ATRNL1: variants seen among roughly 807,000 people sequenced by gnomAD.
The protein encoded by ATRNL1 is attractin-like protein 1.
Under a neutral mutation model 182.7 loss-of-function variants are expected in ATRNL1, and 95 were observed. The ratio of observed to expected loss-of-function variants is 0.52; its 90% CI spans 0.44 to 0.62. The LOEUF (loss-of-function observed/expected upper bound fraction) is 0.62, where lower values mean the gene tolerates loss of function less well. Among genes scored for constraint, ATRNL1 ranks in the 20% least tolerant of loss-of-function variants. The pLI is 0.00. For missense variants in ATRNL1, 1,471 were observed against 1,679.5 expected, an observed-to-expected ratio of 0.88 and a Z score of 2.17; for synonymous variants, 576 against 568.3, an observed-to-expected ratio of 1.01 and a Z score of -0.19.
intron 26 of ATRNL1, among the ~76,000 whole-genome samples, chr10:115,716,142 A>G (rs1411555177): frequency 2.6e-5 from 4 of 152,222 alleles, no homozygotes; most frequent in African/African-American, 9.6e-5. Context: ...CAGATTGCCT[A>G]TTCATTTATC....
chr10:115,315,507 C>T lies in ATRNL1; in HGVS notation c.2819-11C>T, dbSNP rs1854254147. On this transcript the variant is annotated splice_polypyrimidine_tract_variant and intron_variant, in intron 17 of 28. Coordinates refer to ENST00000355044, the MANE Select transcript of ATRNL1 (RefSeq NM_207303.4). Reference sequence around the variant, plus strand: ...CATGTTAACATATTTGTCAATGTTCCTGTCACGCAGCTCAAAATTGTTCTG... The same window carrying T: ...CATGTTAACATATTTGTCAATGTTCTTGTCACGCAGCTCAAAATTGTTCTG... 1.3e-6 allele frequency: 2 copies of T among 1,588,138 alleles called. No homozygotes were observed. The highest frequency in any genetic ancestry group is 1.7e-5 in the Admixed American group (1 of 59,168).
intron 19 of ATRNL1, among the ~76,000 whole-genome samples, chr10:115,388,078 G>T (rs958044190): frequency 2.3e-4 from 35 of 152,150 alleles, no homozygotes; most frequent in African/African-American, 8.0e-4. Context: ...TGGGAAGAAG[G>T]CGTATTCTTT....
At chr10:115,324,916 C>T (rs1410808417) in intron 18 of ATRNL1, among the ~76,000 whole-genome samples, 1 of 152,092 alleles carries the variant, frequency 6.6e-6, no homozygotes, top group Admixed American at 6.6e-5. Context: ...TATTTTGAAT[C>T]TCTGCTTCAT....
intron 3 of ATRNL1, among the ~76,000 whole-genome samples, chr10:115,124,539 G>T (rs1844880704): frequency 6.6e-6 from 1 of 152,124 alleles, no homozygotes; most frequent in Non-Finnish European, 1.5e-5. Context: ...AGCCATGAGT[G>T]ATTGAATCAT....
chr10:115,125,136 C>T (rs968553166), intron 3 of ATRNL1, among the ~76,000 whole-genome samples: 3 of 152,054 alleles, frequency 2.0e-5, no homozygotes, highest in Non-Finnish European at 4.4e-5. Context: ...GTGAAGGATA[C>T]GTAGGAGTCA....
intron 5 of ATRNL1, among the ~76,000 whole-genome samples, chr10:115,130,971 CT>C (rs1485386294): frequency 6.6e-6 from 1 of 152,050 alleles, no homozygotes; most frequent in Non-Finnish European, 1.5e-5. Flanking sequence ...TTCATTAGTC[CT>C]TCTTTGAAAT....
At chr10:115,710,149 A>C (rs976698286) in intron 26 of ATRNL1, among the ~76,000 whole-genome samples, 3 of 152,016 alleles carry the variant, frequency 2.0e-5, no homozygotes, top group Non-Finnish European at 2.9e-5. Flanking sequence ...AAAACAATAA[A>C]ATAACACTGA....
intron 10 of ATRNL1, among the ~76,000 whole-genome samples, chr10:115,243,399 A>G (rs1850502915): frequency 6.6e-6 from 1 of 152,114 alleles, no homozygotes. Flanking sequence ...CTATTTATTT[A>G]ATTTCCTTCT....
chr10:115,940,010 A>G (rs1422023276), intron 28 of ATRNL1, among the ~76,000 whole-genome samples: 1 of 152,224 alleles, frequency 6.6e-6, no homozygotes, highest in Non-Finnish European at 1.5e-5. Flanking sequence ...GTGAAAATAA[A>G]CCAAGACCAA....
At chr10:115,549,642 A>G in intron 26 of ATRNL1, 106 bp downstream of exon 26, 2 of 659,182 alleles carry the variant, frequency 3.0e-6, no homozygotes, top group Non-Finnish European at 4.6e-6. Context: ...ATTTCAAATC[A>G]TTTTTACATA....
intron 27 of ATRNL1, among the ~76,000 whole-genome samples, chr10:115,732,200 A>G (rs1247630937): frequency 6.6e-6 from 1 of 152,188 alleles, no homozygotes; most frequent in Admixed American, 6.5e-5. Flanking sequence ...TTGCTGGATT[A>G]TATCGTAACT....
chr10:115,209,502 C>T (rs1268915), intron 8 of ATRNL1, among the ~76,000 whole-genome samples: 4,623 of 149,440 alleles, frequency 0.031, 88 homozygotes, highest in African/African-American at 0.045. Context: ...TAATGAAGAA[C>T]TCTTGGTATA....
At chr10:115,154,032 C>T (rs1276025541) in intron 5 of ATRNL1, among the ~76,000 whole-genome samples, 2 of 151,250 alleles carry the variant, frequency 1.3e-5, no homozygotes, top group African/African-American at 4.9e-5. Flanking sequence ...GAGTGAGTTT[C>T]TTAATCCTGA....
intron 24 of ATRNL1, among the ~76,000 whole-genome samples, chr10:115,502,726 A>G (rs928643214): frequency 6.6e-6 from 1 of 152,146 alleles, no homozygotes; most frequent in Admixed American, 6.6e-5. Context: ...TGATTGATTT[A>G]TAGATAAACT....
intron 8 of ATRNL1, among the ~76,000 whole-genome samples, chr10:115,185,016 C>G (rs1362156672): frequency 6.6e-6 from 1 of 151,694 alleles, no homozygotes; most frequent in Non-Finnish European, 1.5e-5. Context: ...TTTTTGGGAA[C>G]CAAAGTTCTT....
chr10:115,856,877 G>A (rs1951201838), intron 28 of ATRNL1, among the ~76,000 whole-genome samples: 1 of 151,998 alleles, frequency 6.6e-6, no homozygotes, highest in Non-Finnish European at 1.5e-5. Flanking sequence ...CCTGGGGTTG[G>A]GAGCCCTTGC....
chr10:115,561,034 A>G (rs1395959232), intron 26 of ATRNL1, among the ~76,000 whole-genome samples: 12 of 152,208 alleles, frequency 7.9e-5, no homozygotes, highest in Admixed American at 4.6e-4. Context: ...AATATGTGAC[A>G]CCTAAACTAT....
At chr10:115,698,963 C>G (rs1294401448) in intron 26 of ATRNL1, among the ~76,000 whole-genome samples, 2 of 151,926 alleles carry the variant, frequency 1.3e-5, no homozygotes, top group African/African-American at 4.8e-5. Flanking sequence ...TTTATATACA[C>G]CAGCAACAAA....
chr10:115,303,388 C>A (rs1592410779), intron 17 of ATRNL1, among the ~76,000 whole-genome samples: 1 of 152,058 alleles, frequency 6.6e-6, no homozygotes, highest in African/African-American at 2.4e-5. Flanking sequence ...CCATGCCCAG[C>A]TAATTTTTGT....
Sources: gnomAD v4.1 joint callset for allele counts (sites outside exome capture counted in the v4.1 genomes callset) on GRCh38, gnomAD v4.1.1 for gene constraint, MANE v1.5 for transcripts, NCBI Gene and HGNC (gene_info 2026-07-23, HGNC 2026-07-21) for gene names.